ASTN2: variants seen among roughly 807,000 people sequenced by gnomAD.
The protein encoded by ASTN2 is astrotactin-2.
A neutral mutation model predicts 139.8 loss-of-function variants in ASTN2; 54 were observed. The ratio of observed to expected loss-of-function variants is 0.39; its 90% CI spans 0.31 to 0.48. The LOEUF (loss-of-function observed/expected upper bound fraction) is 0.48. ASTN2 is among the 20% of genes least tolerant of loss of function. The pLI is 0.95. For missense variants in ASTN2, 1,565 were observed against 1,725.1 expected (o/e 0.91, Z 1.64); for synonymous variants, 756 against 719.5 (o/e 1.05, Z -0.81).
intron 10 of ASTN2, among the ~76,000 whole-genome samples, chr9:116,955,656 G>A (rs1230910534): frequency 6.6e-6 from 1 of 152,202 alleles, no homozygotes. Flanking sequence ...GATCCATGTA[G>A]GCAAAGATTT....
chr9:117,278,173 A>C (rs2133137448), intron 2 of ASTN2, among the ~76,000 whole-genome samples: 1 of 152,340 alleles, frequency 6.6e-6, no homozygotes, highest in South Asian at 2.1e-4. Context: ...TCATTGAATT[A>C]ATGGAAGAAT....
rs1834520936 is a variant in ASTN2 at position 116,918,759 on chromosome 9, A to G, written c.1890-55026T>C. ...TAAACATGGAACATGCTTAGGTTTA[A>G]TAGGAAGCTGGTGCAGAGTTGTATA... is the stretch of plus-strand genomic sequence containing the variant. On this transcript the variant is annotated intron_variant, in intron 10 of 22. Coordinates refer to ENST00000313400, the MANE Select transcript of ASTN2 (RefSeq NM_001365068.1). 6.6e-5 allele frequency among the ~76,000 whole-genome samples: 10 copies of G among 152,236 alleles called. 1 individual carries two copies. Among genetic ancestry groups the G allele is most frequent in the Admixed American group, 6.5e-4 (10 of 15,280 alleles).
chr9:117,258,988 T>C (rs892179869), intron 2 of ASTN2, among the ~76,000 whole-genome samples: 2 of 152,176 alleles, frequency 1.3e-5, no homozygotes, highest in African/African-American at 4.8e-5. Flanking sequence ...CCAAGACATT[T>C]CAAGTTTCTG....
chr9:117,068,005 C>T (rs1413803925), intron 5 of ASTN2, among the ~76,000 whole-genome samples: 1 of 98,678 alleles, frequency 1.0e-5, no homozygotes, highest in Non-Finnish European at 2.0e-5. Context: ...TTATTTCCTT[C>T]TCCTGCCTAA....
At chr9:116,611,759 A>G (rs1339266555) in intron 19 of ASTN2, 2 of 152,166 alleles carry the variant, frequency 1.3e-5, no homozygotes, top group Non-Finnish European at 2.9e-5. Context: ...ATTAGTAGTT[A>G]AAAACCTTCT....
At chr9:117,130,413 T>G (rs1274599725) in intron 4 of ASTN2, among the ~76,000 whole-genome samples, 1 of 152,186 alleles carries the variant, frequency 6.6e-6, no homozygotes. Flanking sequence ...TCACTTTATC[T>G]TTCACTTTTT....
chr9:117,209,167 A>G (rs1238897237), intron 3 of ASTN2, among the ~76,000 whole-genome samples: 1 of 152,174 alleles, frequency 6.6e-6, no homozygotes, highest in Non-Finnish European at 1.5e-5. Flanking sequence ...AACAACCAGA[A>G]AACACTCAGT....
intron 17 of ASTN2, among the ~76,000 whole-genome samples, chr9:116,626,768 G>A (rs1023661812): frequency 8.5e-5 from 13 of 152,122 alleles, no homozygotes; most frequent in South Asian, 2.1e-4. Context: ...AGCATGGTGC[G>A]CCCATGCTGA....
intron 19 of ASTN2, among the ~76,000 whole-genome samples, chr9:116,493,158 T>C (rs1211439986): frequency 6.6e-6 from 1 of 152,100 alleles, no homozygotes; most frequent in African/African-American, 2.4e-5. Context: ...AGGGGCAGAA[T>C]CCAGAATCAA....
chr9:116,722,100 T>C (rs1470185), intron 16 of ASTN2, among the ~76,000 whole-genome samples: 113,036 of 152,056 alleles, frequency 0.74, 42,514 homozygotes, highest in African/African-American at 0.82. Context: ...CTGGAAATGT[T>C]GGCCTCCTCC....
intron 10 of ASTN2, among the ~76,000 whole-genome samples, chr9:116,889,720 T>TACACACACACACAC (rs9299242): frequency 7.3e-6 from 1 of 136,598 alleles, no homozygotes; most frequent in African/African-American, 2.7e-5. Flanking sequence ...ACCTTGTCTC[T>TACACACACACACAC]ACACACACAC....
intron 16 of ASTN2, among the ~76,000 whole-genome samples, chr9:116,711,091 A>T (rs1828141581): frequency 1.3e-5 from 2 of 152,208 alleles, no homozygotes; most frequent in African/African-American, 4.8e-5. Flanking sequence ...CAAATAGGCA[A>T]ATATACCGTA....
At chr9:116,632,571 C>A (rs548245597) in intron 17 of ASTN2, among the ~76,000 whole-genome samples, 3 of 152,202 alleles carry the variant, frequency 2.0e-5, no homozygotes, top group Non-Finnish European at 4.4e-5. Context: ...TATCCCACCG[C>A]CATAGCCTGT....
At chr9:116,824,247 T>C (rs1831562937) in intron 11 of ASTN2, among the ~76,000 whole-genome samples, 1 of 152,178 alleles carries the variant, frequency 6.6e-6, no homozygotes, top group African/African-American at 2.4e-5. Flanking sequence ...ATTCCTGCCT[T>C]CTGGTATTAA....
At position 117,410,322 on chromosome 9, in the gene ASTN2, A is replaced by G. The variant is rs951501446; in HGVS notation, c.442+4175T>C. ...GGTAAGTGAGGACTGAATGACATAC[A>G]GGTTCACCTTAGAAGCCCTGGGCTG... On this transcript the variant is annotated intron_variant, in intron 1 of 22. Transcript: ENST00000313400. Among the ~76,000 whole-genome samples, 4 of 152,124 alleles carry G rather than the reference A, an allele frequency of 2.6e-5. No homozygotes were observed. The South Asian group carries it at 6.2e-4, about 24-fold the overall frequency.
intron 3 of ASTN2, among the ~76,000 whole-genome samples, chr9:117,157,935 GAA>G (rs1217509470): frequency 4.6e-5 from 7 of 151,984 alleles, no homozygotes; most frequent in Non-Finnish European, 8.8e-5. Flanking sequence ...GGATCTTAGG[GAA>G]AAGAATGCAT....
chr9:116,615,616 A>C (rs919465632), intron 19 of ASTN2, among the ~76,000 whole-genome samples: 12 of 151,932 alleles, frequency 7.9e-5, no homozygotes, highest in African/African-American at 2.7e-4. Context: ...TCAGCAAACT[A>C]TCACAAGGAC....
chr9:116,697,034 T>C (rs1860896102), intron 16 of ASTN2, among the ~76,000 whole-genome samples: 1 of 152,078 alleles, frequency 6.6e-6, no homozygotes, highest in African/African-American at 2.4e-5. Context: ...CTTCATTTCT[T>C]TCAAGACATA....
intron 19 of ASTN2, among the ~76,000 whole-genome samples, chr9:116,503,633 C>T (rs1849982497): frequency 6.6e-6 from 1 of 152,076 alleles, no homozygotes; most frequent in Non-Finnish European, 1.5e-5. Context: ...GAGTTCACAG[C>T]TTTACATAAT....
Sources: gnomAD v4.1 joint callset for allele counts (sites outside exome capture counted in the v4.1 genomes callset) on GRCh38, gnomAD v4.1.1 for gene constraint, MANE v1.5 for transcripts, NCBI Gene and HGNC (gene_info 2026-07-23, HGNC 2026-07-21) for gene names.